PRICKLE2: variants seen among roughly 807,000 people sequenced by gnomAD.
The protein encoded by PRICKLE2 is prickle planar cell polarity protein 2.
In PRICKLE2, 21 loss-of-function variants were observed where a neutral mutation model predicts 81.4. That is an observed-to-expected ratio of 0.26 (90% CI 0.18 to 0.37). PRICKLE2 has a LOEUF of 0.37. PRICKLE2 is among the 10% of genes least tolerant of loss of function. The probability of loss-of-function intolerance (pLI) is 1.00; values close to 1 mark genes in which losing one functional copy is unlikely to be tolerated. For missense variants in PRICKLE2, 940 were observed against 1,109.0 expected, an observed-to-expected ratio of 0.85 and a Z score of 2.16; for synonymous variants, 456 against 421.5, an observed-to-expected ratio of 1.08 and a Z score of -1.00.
At chr3:64,184,987 T>A (rs180938564) in intron 2 of PRICKLE2, among the ~76,000 whole-genome samples, 2 of 152,320 alleles carry the variant, frequency 1.3e-5, no homozygotes, top group Admixed American at 1.3e-4. Flanking sequence ...TGCAGCTTTT[T>A]TCCCTGGTTG....
chr3:64,106,541 G>A (rs7621907), intron 7 of PRICKLE2, among the ~76,000 whole-genome samples: 18,967 of 152,182 alleles, frequency 0.12, 1,535 homozygotes, highest in East Asian at 0.3. Context: ...CCACTTGAAC[G>A]CCAGCCACTG....
At chr3:64,184,780 G>A (rs2078193828) in intron 2 of PRICKLE2, among the ~76,000 whole-genome samples, 1 of 152,186 alleles carries the variant, frequency 6.6e-6, no homozygotes, top group African/African-American at 2.4e-5. Context: ...ACTGTTCCAG[G>A]CCAGAAGAGC....
chr3:64,139,878 G>A (rs571372871), intron 7 of PRICKLE2, among the ~76,000 whole-genome samples: 13 of 152,108 alleles, frequency 8.5e-5, no homozygotes, highest in Non-Finnish European at 1.8e-4. Flanking sequence ...ACTTTTTCAG[G>A]ATGTCCTTTG....
intron 6 of PRICKLE2, among the ~76,000 whole-genome samples, chr3:64,150,304 C>A (rs796071987): frequency 1.3e-5 from 2 of 152,168 alleles, no homozygotes; most frequent in African/African-American, 4.8e-5. Flanking sequence ...TGACCCTAGG[C>A]AAATTGCTTC....
intron 7 of PRICKLE2, among the ~76,000 whole-genome samples, chr3:64,136,120 C>T (rs2077275124): frequency 6.6e-6 from 1 of 152,092 alleles, no homozygotes; most frequent in South Asian, 2.1e-4. Context: ...CTATTTACTA[C>T]ACCAAGAGTG....
rs771078558 is a variant in PRICKLE2 at position 64,099,581 on chromosome 3, T to G, written c.2005A>C (p.Thr669Pro). ...GVRIQPMSER[T>P]RRRATSRDDN... The stretch of plus-strand genomic sequence containing the variant: ...TCGCGTGAAGTAGCTCTTCTCCGGG[T>G]GCGTTCACTCATGGGCTGGATCCTC... The change falls in exon 8 of 8, where the codon ACC becomes CCC. Residue 669 changes from threonine to proline, a missense_variant. Coordinates refer to ENST00000638394, the MANE Select transcript of PRICKLE2 (RefSeq NM_198859.4). This position sits in a 1 kb window ranked among gnomAD's most constrained non-coding sequence, Gnocchi z 4.3. 6.2e-7 allele frequency: 1 copy of G among 1,613,318 alleles called. No homozygotes were observed. The highest frequency in any genetic ancestry group is 1.3e-5 in the African/African-American group (1 of 74,906).
rs370859266 is a variant in PRICKLE2, at chr3:64,147,188, C to A, written c.1302G>T (p.Gly434=). Residue 434 remains glycine (G), a synonymous_variant, in exon 7 of 8, where the codon GGG becomes GGT. Transcript: ENST00000638394. This position sits in a 1 kb window ranked among gnomAD's most constrained non-coding sequence, Gnocchi z 5.0. ...CCCACATTTCGGGCTGGGCCCCAGC[C>A]CCTTGCCCTCCTGGACTGTAGGAAG... ...IRTSYSPGGQ[G]AGAQPEMWGK... 4 of 1,613,590 alleles carry A rather than the reference C, an allele frequency of 2.5e-6. No homozygotes were observed. Among genetic ancestry groups the A allele is most frequent in the Admixed American group, 3.3e-5 (2 of 59,966 alleles).
At chr3:64,204,784 T>C (rs1228130287) in intron 1 of PRICKLE2, among the ~76,000 whole-genome samples, 1 of 152,182 alleles carries the variant, frequency 6.6e-6, no homozygotes, top group Non-Finnish European at 1.5e-5. Context: ...TTTTCAACCT[T>C]TGAGTGATTC....
At chr3:64,218,736 C>A (rs947375039) in intron 1 of PRICKLE2, among the ~76,000 whole-genome samples, 1 of 152,130 alleles carries the variant, frequency 6.6e-6, no homozygotes, top group Non-Finnish European at 1.5e-5. Flanking sequence ...AAATAAGTGA[C>A]AATTGGAACT....
At chr3:64,181,937 C>A (rs2078142508) in intron 2 of PRICKLE2, among the ~76,000 whole-genome samples, 1 of 152,036 alleles carries the variant, frequency 6.6e-6, no homozygotes, top group African/African-American at 2.4e-5. Flanking sequence ...AAACGTGTGT[C>A]ACAGAAGATC....
chr3:64,242,571 T>C (rs2079283230), intron 2 of PRICKLE2, among the ~76,000 whole-genome samples: 1 of 152,268 alleles, frequency 6.6e-6, no homozygotes, highest in Non-Finnish European at 1.5e-5. Context: ...CAACAATGTA[T>C]TCTACAATAA....
Position 64,181,220 on chromosome 3 carries a change from G to T in PRICKLE2, c.144+17564C>A, listed in dbSNP as rs78021784. 7.5e-3 allele frequency among the ~76,000 whole-genome samples: 1,134 copies of T among 152,170 alleles called. 18 individuals are homozygous for T. Among genetic ancestry groups the T allele is most frequent in the African/African-American group, 0.026 (1,067 of 41,506 alleles). ...TATACAGTACCTCTTCCTGGCTCAC[G>T]ACAGAGTCTTCTGATTGCTCTAGGA... On this transcript the variant is annotated intron_variant, in intron 2 of 7. Transcript: ENST00000638394.
At chr3:64,226,379 T>C (rs1488140792), upstream of PRICKLE2, among the ~76,000 whole-genome samples, 1 of 152,208 alleles carries the variant, frequency 6.6e-6, no homozygotes, top group African/African-American at 2.4e-5. Flanking sequence ...TGTGTTCAAA[T>C]CCTGCCTTTC....
intron 7 of PRICKLE2, among the ~76,000 whole-genome samples, chr3:64,143,740 C>T (rs2077399945): frequency 6.6e-6 from 1 of 152,216 alleles, no homozygotes; most frequent in Non-Finnish European, 1.5e-5. Flanking sequence ...TTGAATCAAG[C>T]ACACCCATGA....
In PRICKLE2 at chr3:64,092,527, C is replaced by T. The variant is rs1167027751; in HGVS notation, c.*6524G>A. 7 of 152,170 alleles carry T rather than the reference C, an allele frequency of 4.6e-5. No homozygotes were observed. The highest frequency in any genetic ancestry group is 4.6e-4 in the Admixed American group (7 of 15,280). 9.4% of individuals were successfully genotyped at this position (152,170 alleles called of 1,614,324 possible). On this transcript the variant is annotated 3_prime_UTR_variant, in exon 8 of 8. Coordinates refer to ENST00000638394, the MANE Select transcript of PRICKLE2 (RefSeq NM_198859.4). ...AATGAATAGATGATATTATAGCATC[C>T]AGCAAGTCCCTAATGTTGTGGATCA...
At chr3:64,241,694 G>C (rs1336635437) in intron 2 of PRICKLE2, among the ~76,000 whole-genome samples, 3 of 152,066 alleles carry the variant, frequency 2.0e-5, no homozygotes, top group Non-Finnish European at 4.4e-5. Context: ...CCATCTCAGA[G>C]GCTGTTTCTT....
chr3:64,161,711 G>C (rs955754914), intron 3 of PRICKLE2, among the ~76,000 whole-genome samples: 1 of 79,762 alleles, frequency 1.3e-5, no homozygotes, highest in African/African-American at 5.2e-5. Flanking sequence ...CAAATAAAAA[G>C]AGTTAAAAAA....
At chr3:64,122,465 C>T (rs2077041913) in intron 7 of PRICKLE2, among the ~76,000 whole-genome samples, 1 of 152,328 alleles carries the variant, frequency 6.6e-6, no homozygotes, top group South Asian at 2.1e-4. Flanking sequence ...GCCCAAGAAT[C>T]TGCATTTTCA....
At chr3:64,227,161 C>A (rs2079043469), upstream of PRICKLE2, among the ~76,000 whole-genome samples, 1 of 152,206 alleles carries the variant, frequency 6.6e-6, no homozygotes. Flanking sequence ...TGGTGAAAAT[C>A]ATGAGACCTG....
Sources: gnomAD v4.1 joint callset for allele counts (sites outside exome capture counted in the v4.1 genomes callset) on GRCh38, gnomAD v4.1.1 for gene constraint, Gnocchi (gnomAD v3.1) non-coding constraint, MANE v1.5 for transcripts, NCBI Gene and HGNC (gene_info 2026-07-23, HGNC 2026-07-21) for gene names.